Variants in ANK2 observed in about 807,000 individuals in gnomAD.
ANK2 encodes ankyrin 2.
ANK2 carries 83 observed loss-of-function variants against 360.5 expected under a neutral mutation model. The observed-to-expected ratio is 0.23, with a 90% CI of 0.19 to 0.28. The LOEUF is 0.28. Among genes scored for constraint, ANK2 ranks in the 10% least tolerant of loss-of-function variants. ANK2 has a pLI of 1.00. For synonymous variants in ANK2, 1,740 were observed against 1,759.5 expected (o/e 0.99, Z 0.28); for missense variants, 4,201 against 4,795.7 (o/e 0.88, Z 3.66).
chr4:113,156,439 C>T (rs1313035330), intron 1 of ANK2, among the ~76,000 whole-genome samples: 3 of 141,552 alleles, frequency 2.1e-5, no homozygotes, highest in Non-Finnish European at 4.5e-5. Flanking sequence ...GACGTGATCA[C>T]GACTCACTGC....
rs557689275 is a variant in ANK2, at chr4:113,188,672, A to G, written c.187-7696A>G. Among the ~76,000 whole-genome samples the G allele has an allele frequency of 2.0e-5, 3 of 152,342 alleles. No homozygotes were observed. In the East Asian group the frequency reaches 5.8e-4, roughly 29 times the overall value. On this transcript the variant is annotated intron_variant, in intron 2 of 45. Coordinates refer to ENST00000357077, the MANE Select transcript of ANK2 (RefSeq NM_001148.6). Reference sequence around the variant, plus strand: ...TAATGTGTTTCAGATTGGCACTAAAATAAACATGTAAAATTTAAAAATTGT... The same window carrying G: ...TAATGTGTTTCAGATTGGCACTAAAGTAAACATGTAAAATTTAAAAATTGT...
intron 1 of ANK2, among the ~76,000 whole-genome samples, chr4:113,142,045 T>G (rs2096650714): frequency 6.6e-6 from 1 of 152,232 alleles, no homozygotes; most frequent in African/African-American, 2.4e-5. Flanking sequence ...TGCAAATATT[T>G]GCTTTCTGAG....
At chr4:113,192,126 C>T (rs1000262021) in intron 2 of ANK2, among the ~76,000 whole-genome samples, 6 of 152,130 alleles carry the variant, frequency 3.9e-5, no homozygotes, top group Non-Finnish European at 7.3e-5. Flanking sequence ...CGGTTTGTTA[C>T]GTAGGTATAC....
the ANK2 span, among the ~76,000 whole-genome samples, chr4:112,747,141 A>G: frequency 2.6e-5 from 4 of 152,238 alleles, no homozygotes; most frequent in Admixed American, 6.5e-5. Flanking sequence ...AAGAGTATCA[A>G]CATCCTGAGG....
upstream of ANK2, chr4:113,049,601 C>T (rs2065991943): frequency 2.7e-6 from 4 of 1,500,554 alleles, no homozygotes; most frequent in East Asian, 1.0e-4. Flanking sequence ...TCCTTACCCT[C>T]CCAGTGCGCG....
At chr4:112,775,279 G>A in the ANK2 span, among the ~76,000 whole-genome samples, 1 of 152,118 alleles carries the variant, frequency 6.6e-6, no homozygotes, top group Non-Finnish European at 1.5e-5. Flanking sequence ...AGCACTTTTG[G>A]AGGCCGAGGC....
chr4:113,130,847 A>G (rs1290081104), intron 1 of ANK2, among the ~76,000 whole-genome samples: 1 of 152,200 alleles, frequency 6.6e-6, no homozygotes, highest in Admixed American at 6.5e-5. Context: ...CAAACCTAGG[A>G]AGAGAAGTTT....
At chr4:112,713,022 C>T in the ANK2 span, among the ~76,000 whole-genome samples, 1 of 152,170 alleles carries the variant, frequency 6.6e-6, no homozygotes, top group Non-Finnish European at 1.5e-5. Flanking sequence ...AAGGCTTCTC[C>T]TACCTTCAAT....
chr4:112,856,979 C>T (rs546054608), intron 1 of ANK2, among the ~76,000 whole-genome samples: 1 of 152,272 alleles, frequency 6.6e-6, no homozygotes, highest in East Asian at 1.9e-4. Context: ...TTAACAGGAA[C>T]TTTGCAGAAG....
intron 1 of ANK2, among the ~76,000 whole-genome samples, chr4:113,166,747 A>G (rs1386026790): frequency 6.6e-6 from 1 of 152,128 alleles, no homozygotes; most frequent in African/African-American, 2.4e-5. Context: ...TGTCTCTGAT[A>G]ACTTACTTCA....
At chr4:113,345,751 A>C in intron 34 of ANK2, 149 bp from the exon 35 acceptor site, 4 of 1,130,444 alleles carry the variant, frequency 3.5e-6, no homozygotes, top group Non-Finnish European at 5.0e-6. Context: ...AGGCTTTCCA[A>C]ATGGTAATAG....
At chr4:113,351,227 A>G (rs1418213130) in intron 37 of ANK2, among the ~76,000 whole-genome samples, 1 of 152,170 alleles carries the variant, frequency 6.6e-6, no homozygotes, top group African/African-American at 2.4e-5. Context: ...TGTATTTCAC[A>G]GTATATTCCC....
chr4:112,758,559 C>G, the ANK2 span, among the ~76,000 whole-genome samples: 5 of 152,036 alleles, frequency 3.3e-5, no homozygotes, highest in African/African-American at 1.2e-4. Flanking sequence ...TACAGGCGAG[C>G]AGGCGCCACC....
At chr4:113,084,670 C>T (rs550593348) in intron 1 of ANK2, among the ~76,000 whole-genome samples, 19 of 152,142 alleles carry the variant, frequency 1.2e-4, no homozygotes, top group Non-Finnish European at 2.8e-4. Flanking sequence ...AAGTAAAGGT[C>T]TAAAATTCCC....
intron 13 of ANK2, among the ~76,000 whole-genome samples, chr4:113,264,680 C>T (rs1232336521): frequency 6.6e-6 from 1 of 150,982 alleles, no homozygotes; most frequent in Non-Finnish European, 1.5e-5. Context: ...CGAGATGTTG[C>T]CATTGCACTC....
chr4:113,047,052 T>C (rs11098185), upstream of ANK2, among the ~76,000 whole-genome samples: 95,565 of 152,180 alleles, frequency 0.63, 32,147 homozygotes, highest in Admixed American at 0.74. Flanking sequence ...CTCTCTCCTA[T>C]AGATCCAGTT....
chr4:113,068,531 A>G (rs1251481790), intron 1 of ANK2, among the ~76,000 whole-genome samples: 1 of 152,210 alleles, frequency 6.6e-6, no homozygotes, highest in East Asian at 1.9e-4. Context: ...TGATTAGAAA[A>G]TTGTACAGCG....
chr4:113,370,174 G>A (rs940110114), intron 43 of ANK2, among the ~76,000 whole-genome samples: 2 of 152,212 alleles, frequency 1.3e-5, no homozygotes, highest in African/African-American at 4.8e-5. Flanking sequence ...GCCATGGGAT[G>A]TGCTGGGACC....
rs372232448 is a variant in ANK2, at chr4:112,957,593, G to T, written c.21+53079G>T. Among the ~76,000 whole-genome samples the T allele has an allele frequency of 2.2e-3, 339 of 151,934 alleles. 10 individuals are homozygous for T. In the East Asian group the frequency reaches 0.05, roughly 22 times the overall value. On this transcript the variant is annotated intron_variant, in intron 2 of 30. Transcript: ENST00000503271. ...TCCTCACTTCCCAGTAGGGGCGGCC[G>T]GGCAGAGGCGCCCCTCACCTCCCGG...
Sources: allele counts gnomAD v4.1 joint callset (sites outside exome capture counted in the v4.1 genomes callset), GRCh38; gene constraint gnomAD v4.1.1; transcripts MANE v1.5; gene names NCBI Gene and HGNC (gene_info 2026-07-23, HGNC 2026-07-21).